The following CRKL variants were observed in gnomAD, a reference collection of about 807,000 sequenced individuals.
The protein encoded by CRKL is CRK like proto-oncogene, adaptor protein, also known as crk-like protein.
CRKL carries 3 observed loss-of-function variants against 23.0 expected under a neutral mutation model. The ratio of observed to expected loss-of-function variants is 0.13; its 90% CI spans 0.06 to 0.34. The LOEUF is 0.34. Ranked by LOEUF, CRKL falls within the 10% of genes least tolerant of loss-of-function variation. The probability of loss-of-function intolerance (pLI) is 1.00; values close to 1 mark genes in which losing one functional copy is unlikely to be tolerated. For missense variants in CRKL, 256 were observed against 394.5 expected (o/e 0.65, Z 2.97); for synonymous variants, 188 against 160.7 (o/e 1.17, Z -1.28).
chr22:20,918,621 C>T (rs1399270472), intron 1 of CRKL, among the ~76,000 whole-genome samples: 4 of 132,560 alleles, frequency 3.0e-5, no homozygotes, highest in Non-Finnish European at 3.1e-5. Context: ...GAGACGGAGT[C>T]TCGCTGTGTC....
rs1312844196 is a variant in CRKL at position 20,950,435 on chromosome 22, ACGGTGTCTCG to A, written c.*592_*601del. ...GTTTGTTTTGTTTTGTTTTTTTGAGACGGTGTCTCGCTGCATCACCCAGGCTGGAGTGCAG... is the reference window on the plus strand; with the variant it reads ...GTTTGTTTTGTTTTGTTTTTTTGAGACTGCATCACCCAGGCTGGAGTGCAG... On this transcript the variant is annotated 3_prime_UTR_variant, in exon 3 of 3. Transcript: ENST00000354336. 4.3e-6 allele frequency: 1 copy of A among 231,070 alleles called. No individual in the cohort carries two copies. The highest frequency in any genetic ancestry group is 6.1e-5 in the East Asian group (1 of 16,460). 14.3% of individuals were successfully genotyped at this position (231,070 alleles called of 1,614,324 possible).
At chr22:20,943,007 C>CA (rs895278748) in intron 2 of CRKL, among the ~76,000 whole-genome samples, 3 of 150,646 alleles carry the variant, frequency 2.0e-5, no homozygotes, top group Middle Eastern at 3.2e-3. Flanking sequence ...TCTTCACCGC[C>CA]AAAAAAAAAT....
Position 20,949,928 on chromosome 22 carries a change from GCAAGT to G in CRKL, c.*86_*90del. 1 of 1,515,820 alleles carries G rather than the reference GCAAGT, an allele frequency of 6.6e-7. No individual in the cohort carries two copies. The highest frequency in any genetic ancestry group is 8.8e-7 in the Non-Finnish European group (1 of 1,135,496). 93.9% of individuals were successfully genotyped at this position (1,515,820 alleles called of 1,614,324 possible). A position where few individuals can be genotyped will look rare whatever the true frequency, so the allele number is the denominator to read the frequency against. On this transcript the variant is annotated 3_prime_UTR_variant, in exon 3 of 3. Coordinates refer to ENST00000354336, the MANE Select transcript of CRKL (RefSeq NM_005207.4). ...AGTGGGAAAGCATTTTCTCTCATAG[GCAAGT>G]CACACTGCATTGCCGAAGTCCAGCT...
At chr22:20,937,181 G>C (rs1921696039) in intron 2 of CRKL, among the ~76,000 whole-genome samples, 1 of 152,172 alleles carries the variant, frequency 6.6e-6, no homozygotes, top group Non-Finnish European at 1.5e-5. Flanking sequence ...CCCACACACA[G>C]ACCTGCCTAG....
At chr22:20,931,146 C>T (rs974283427) in intron 1 of CRKL, among the ~76,000 whole-genome samples, 1 of 152,112 alleles carries the variant, frequency 6.6e-6, no homozygotes, top group African/African-American at 2.4e-5. Flanking sequence ...TGGCTCACAC[C>T]TGTAATCCCA....
At chr22:20,949,077 G>C (rs2147917645) in intron 2 of CRKL, among the ~76,000 whole-genome samples, 1 of 152,176 alleles carries the variant, frequency 6.6e-6, no homozygotes, top group Non-Finnish European at 1.5e-5. Context: ...GTTGGTGTGG[G>C]GTGGGGAGCT....
At chr22:20,933,725 G>T in intron 1 of CRKL, 54 bp from the exon 2 acceptor site, 1 of 1,407,946 alleles carries the variant, frequency 7.1e-7, no homozygotes, top group Admixed American at 2.1e-5. Flanking sequence ...AGTTTGACAG[G>T]CACTGGCTTA....
rs1275864192 is a variant in CRKL at position 20,952,299 on chromosome 22, G to C, written c.*2454G>C. 4.4e-6 allele frequency: 1 copy of C among 229,732 alleles called. No individual in the cohort carries two copies. The highest frequency in any genetic ancestry group is 8.6e-6 in the Non-Finnish European group (1 of 115,968). The allele number at this position is 229,732 out of a possible 1,614,324, so 14.2% of individuals were successfully genotyped here. A position where few individuals can be genotyped will look rare whatever the true frequency, so the allele number is the denominator to read the frequency against. On this transcript the variant is annotated 3_prime_UTR_variant, in exon 3 of 3. Transcript: ENST00000354336. ...ACTGACCAATACCCCGACTCACCTTGTGTGGCGCACTTCAGAATCAGATAT... is the reference window on the plus strand; with the variant it reads ...ACTGACCAATACCCCGACTCACCTTCTGTGGCGCACTTCAGAATCAGATAT...
rs2147891117 is a variant in CRKL at position 20,917,898 on chromosome 22, G to T, written c.-37G>T. On this transcript the variant is annotated 5_prime_UTR_variant, in exon 1 of 3. Coordinates refer to ENST00000354336, the MANE Select transcript of CRKL (RefSeq NM_005207.4). ...GCGTGCAGAGCAGGCGAGGACAGCC[G>T]CCGCCCCTACCGCCGCAGAGTCCCC... 1 of 1,592,388 alleles carries T rather than the reference G, an allele frequency of 6.3e-7. No homozygotes were observed. Among genetic ancestry groups the T allele is most frequent in the African/African-American group, 1.3e-5 (1 of 74,544 alleles).
chr22:20,921,855 C>T (rs935224322), intron 1 of CRKL, among the ~76,000 whole-genome samples: 14 of 150,502 alleles, frequency 9.3e-5, no homozygotes, highest in African/African-American at 3.4e-4. Context: ...ACTACAGGCG[C>T]CTGCAACCAT....
chr22:20,936,025 G>A lies in CRKL; in HGVS notation c.777+1781G>A, dbSNP rs150882816. On this transcript the variant is annotated intron_variant, in intron 2 of 2. Transcript: ENST00000354336. Reference sequence around the variant, plus strand: ...AATACAAAAATGAGCCAGACGTGGTGGGCATGCACCTGTAGCCTCAGCTAC... The same window carrying A: ...AATACAAAAATGAGCCAGACGTGGTAGGCATGCACCTGTAGCCTCAGCTAC... Among the ~76,000 whole-genome samples, 56 of 152,160 alleles carry A rather than the reference G, an allele frequency of 3.7e-4. 1 individual carries two copies. Among genetic ancestry groups the A allele is most frequent in the African/African-American group, 1.3e-3 (55 of 41,534 alleles).
At chr22:20,944,304 A>C (rs1416242126) in intron 2 of CRKL, among the ~76,000 whole-genome samples, 2 of 151,768 alleles carry the variant, frequency 1.3e-5, no homozygotes, top group Non-Finnish European at 2.9e-5. Context: ...TAATATCTTA[A>C]TCATAAGTCT....
At chr22:20,933,740 A>C (rs1358553509) in intron 1 of CRKL, 39 bp from the exon 2 acceptor site, 1 of 1,534,504 alleles carries the variant, frequency 6.5e-7, no homozygotes, top group East Asian at 2.3e-5. Flanking sequence ...GGCTTAGAGT[A>C]AGATTTTTCT....
At chr22:20,932,330 C>T (rs1921485977) in intron 1 of CRKL, among the ~76,000 whole-genome samples, 1 of 151,814 alleles carries the variant, frequency 6.6e-6, no homozygotes, top group African/African-American at 2.4e-5. Flanking sequence ...GGCAGGTCTC[C>T]AAGTCATCTG....
At chr22:20,932,399 TTTA>T (rs1395680260) in intron 1 of CRKL, among the ~76,000 whole-genome samples, 1 of 152,058 alleles carries the variant, frequency 6.6e-6, no homozygotes, top group East Asian at 1.9e-4. Flanking sequence ...GCCTGGTGGA[TTTA>T]TTATTTTTAA....
chr22:20,925,978 A>G (rs959146788), intron 1 of CRKL, among the ~76,000 whole-genome samples: 6 of 152,204 alleles, frequency 3.9e-5, no homozygotes, highest in African/African-American at 1.4e-4. Flanking sequence ...TCTATTGAAA[A>G]AATTAGAATG....
intron 1 of CRKL, among the ~76,000 whole-genome samples, chr22:20,926,607 G>A (rs920714029): frequency 1.3e-5 from 2 of 152,152 alleles, no homozygotes; most frequent in African/African-American, 4.8e-5. Context: ...ATTGAGAAGA[G>A]AGGTAAGGGC....
chr22:20,919,786 A>G (rs1260829776), intron 1 of CRKL, among the ~76,000 whole-genome samples: 1 of 152,164 alleles, frequency 6.6e-6, no homozygotes, highest in Non-Finnish European at 1.5e-5. Flanking sequence ...AACTTTAAAC[A>G]TTAAAAGCTA....
In CRKL at chr22:20,953,256, C is replaced by T; in HGVS notation, c.*3411C>T. The T allele has an allele frequency of 4.3e-6, 1 of 231,604 alleles. No homozygotes were observed. Among genetic ancestry groups the T allele is most frequent in the Non-Finnish European group, 8.6e-6 (1 of 116,886 alleles). The allele number at this position is 231,604 out of a possible 1,614,324, so 14.3% of individuals were successfully genotyped here. A position where few individuals can be genotyped will look rare whatever the true frequency, so the allele number is the denominator to read the frequency against. On this transcript the variant is annotated 3_prime_UTR_variant, in exon 3 of 3. Coordinates refer to ENST00000354336, the MANE Select transcript of CRKL (RefSeq NM_005207.4). ...ACACCACTGAGCTCTGCCTCAACTC[C>T]ACCCTCTGCGACCGGAGGACTATGC... is the stretch of plus-strand genomic sequence containing the variant.
Sources: allele counts gnomAD v4.1 joint callset (sites outside exome capture counted in the v4.1 genomes callset), GRCh38; gene constraint gnomAD v4.1.1; transcripts MANE v1.5; gene names NCBI Gene and HGNC (gene_info 2026-07-23, HGNC 2026-07-21).